The following MBD5 variants were observed in gnomAD, a reference collection of about 807,000 sequenced individuals.
MBD5 encodes methyl-CpG binding domain protein 5, also known as methyl-CpG-binding domain protein 5.
MBD5 carries 13 observed loss-of-function variants against 117.3 expected under a neutral mutation model. The ratio of observed to expected loss-of-function variants is 0.11; its 90% CI spans 0.07 to 0.18. The LOEUF (loss-of-function observed/expected upper bound fraction) is 0.18. Among genes scored for constraint, MBD5 ranks in the 10% least tolerant of loss-of-function variants. The probability of loss-of-function intolerance (pLI) is 1.00; values close to 1 mark genes in which losing one functional copy is unlikely to be tolerated. For synonymous variants in MBD5, 727 were observed against 766.4 expected (o/e 0.95, Z 0.85); for missense variants, 1,879 against 2,093.8 (o/e 0.90, Z 2.00).
In MBD5 at chr2:148,470,516, A is replaced by C. The variant is rs554795721; in HGVS notation, c.2518+55A>C. ...AGGTACTAAACTTTTCTACTTTTTT[A>C]AAAAATTTGTACCAAAATATTTATT... is the stretch of plus-strand genomic sequence containing the variant. On this transcript the variant is annotated intron_variant, in intron 8 of 13. Transcript: ENST00000642680. The C allele has an allele frequency of 2.9e-6, 4 of 1,379,624 alleles. No individual in the cohort carries two copies. In the African/African-American group the frequency reaches 5.9e-5, roughly 20 times the overall value. The allele number at this position is 1,379,624 out of a possible 1,614,324, so 85.5% of individuals were successfully genotyped here. A position where few individuals can be genotyped will look rare whatever the true frequency, so the allele number is the denominator to read the frequency against.
At chr2:148,258,884 T>G (rs1408023563) in intron 3 of MBD5, among the ~76,000 whole-genome samples, 2 of 152,156 alleles carry the variant, frequency 1.3e-5, no homozygotes, top group Non-Finnish European at 2.9e-5. Flanking sequence ...GTCCTGCCAG[T>G]GGCCTTCTGC....
At chr2:148,341,734 C>T (rs751623195) in intron 3 of MBD5, among the ~76,000 whole-genome samples, 2 of 151,840 alleles carry the variant, frequency 1.3e-5, no homozygotes, top group Non-Finnish European at 2.9e-5. Flanking sequence ...GCCTCAATTA[C>T]CACATTTTAA....
chr2:148,206,860 T>G (rs985107057), intron 2 of MBD5, among the ~76,000 whole-genome samples: 4 of 152,168 alleles, frequency 2.6e-5, no homozygotes, highest in Admixed American at 2.0e-4. Context: ...GTTATGAATA[T>G]CTACAGGTTA....
At chr2:148,258,896 TC>T (rs1700663818) in intron 3 of MBD5, among the ~76,000 whole-genome samples, 1 of 152,068 alleles carries the variant, frequency 6.6e-6, no homozygotes, top group Non-Finnish European at 1.5e-5. Flanking sequence ...GCCTTCTGCT[TC>T]CCTGAGAGCC....
intron 4 of MBD5, among the ~76,000 whole-genome samples, chr2:148,451,588 G>A (rs1193884807): frequency 2.6e-5 from 4 of 152,008 alleles, no homozygotes; most frequent in African/African-American, 9.7e-5. Flanking sequence ...TTATGAATAT[G>A]TTCATTTATT....
intron 12 of MBD5, among the ~76,000 whole-genome samples, chr2:148,503,744 C>T (rs189279612): frequency 6.8e-4 from 104 of 152,262 alleles, no homozygotes; most frequent in Non-Finnish European, 1.3e-3. Flanking sequence ...GGATCAAGGT[C>T]CCTTCTACTC....
chr2:148,064,770 C>T (rs182743228), intron 1 of MBD5, among the ~76,000 whole-genome samples: 11 of 152,246 alleles, frequency 7.2e-5, no homozygotes, highest in Non-Finnish European at 2.9e-5. Flanking sequence ...TTTTCTTCCC[C>T]TTCATTGTTT....
intron 4 of MBD5, among the ~76,000 whole-genome samples, chr2:148,457,758 A>T (rs1049963564): frequency 1.3e-5 from 2 of 152,122 alleles, no homozygotes; most frequent in Non-Finnish European, 2.9e-5. Flanking sequence ...TCTTCTCTAG[A>T]CCAAAACTGT....
Position 148,483,949 on chromosome 2 carries a change from A to G in MBD5, c.3358A>G (p.Thr1120Ala), listed in dbSNP as rs1681251385. The stretch of plus-strand genomic sequence containing the variant: ...CTCCTCCCAGGCAACCACTACCACA[A>G]CCACTACATCATCAGCAGTGGCAGC... ...ATSSQATTTT[T>A]TTSSAVAALT... The change falls in exon 9 of 14, where the codon ACC (threonine) becomes GCC (alanine). Residue 1120 changes from threonine to alanine, a missense_variant. Around this residue, in one of 4 missense-constraint regions of MBD5, gnomAD observed 1,666 missense variants for 1,792.2 expected, o/e 0.93. Coordinates refer to ENST00000642680, the MANE Select transcript of MBD5 (RefSeq NM_001378120.1). The G allele has an allele frequency of 1.5e-5, 24 of 1,550,298 alleles. No homozygotes were observed. The East Asian group carries it at 5.9e-4, about 38-fold the overall frequency.
chr2:148,272,361 GTT>G, intron 3 of MBD5, among the ~76,000 whole-genome samples: 1 of 152,120 alleles, frequency 6.6e-6, no homozygotes. Flanking sequence ...CTTCCATACT[GTT>G]TTCCATAATG....
chr2:148,202,792 C>G (rs1699175377), intron 2 of MBD5, among the ~76,000 whole-genome samples: 1 of 152,036 alleles, frequency 6.6e-6, no homozygotes. Flanking sequence ...CTTTGGTAGG[C>G]TGAGGTGGGA....
chr2:148,445,391 G>GT (rs1399859080), intron 4 of MBD5, among the ~76,000 whole-genome samples: 2 of 150,840 alleles, frequency 1.3e-5, no homozygotes, highest in East Asian at 1.9e-4. Context: ...GCGGTGTTTG[G>GT]TTTTTTGTCC....
intron 3 of MBD5, among the ~76,000 whole-genome samples, chr2:148,243,368 T>C (rs1700262703): frequency 6.6e-6 from 1 of 152,124 alleles, no homozygotes. Context: ...TTTTTATCTC[T>C]ATGCAATCAC....
intron 12 of MBD5, among the ~76,000 whole-genome samples, chr2:148,508,861 C>G (rs1194624919): frequency 2.6e-5 from 4 of 152,130 alleles, no homozygotes; most frequent in African/African-American, 9.7e-5. Flanking sequence ...GTATGTCTAG[C>G]ACTATAGAAC....
chr2:148,380,785 G>C (rs558277876), intron 4 of MBD5, among the ~76,000 whole-genome samples: 2 of 152,262 alleles, frequency 1.3e-5, no homozygotes, highest in East Asian at 3.9e-4. Context: ...CCAGAGGAAC[G>C]ATCAGGCGGC....
At chr2:148,183,772 G>A (rs1698584592) in intron 2 of MBD5, among the ~76,000 whole-genome samples, 1 of 151,874 alleles carries the variant, frequency 6.6e-6, no homozygotes, top group African/African-American at 2.4e-5. Context: ...TTCTATTTAA[G>A]GATTTTATCA....
chr2:148,396,441 A>T (rs1231572416), intron 4 of MBD5, among the ~76,000 whole-genome samples: 1 of 152,168 alleles, frequency 6.6e-6, no homozygotes, highest in African/African-American at 2.4e-5. Context: ...CCATGAATCT[A>T]CACTTTCACA....
chr2:148,357,780 C>T (rs1377167870), intron 4 of MBD5, among the ~76,000 whole-genome samples: 1 of 151,990 alleles, frequency 6.6e-6, no homozygotes, highest in Non-Finnish European at 1.5e-5. Flanking sequence ...AACAAAAATT[C>T]ATGGGAGGGT....
rs369278184 is a variant in MBD5 at position 148,044,412 on chromosome 2, C to T, written c.-925+22728C>T. ...TGACACTGAGAACCAGGTTACAAGTCTAGTATTCCTGTGACTTTTTTAAAC... is the reference window on the plus strand; with the variant it reads ...TGACACTGAGAACCAGGTTACAAGTTTAGTATTCCTGTGACTTTTTTAAAC... On this transcript the variant is annotated intron_variant, in intron 1 of 13. Transcript: ENST00000642680. 4.6e-5 allele frequency: 7 copies of T among 152,138 alleles called. No homozygotes were observed. The East Asian group carries it at 5.8e-4, about 13-fold the overall frequency. The allele number at this position is 152,138 out of a possible 1,614,324, so 9.4% of individuals were successfully genotyped here. A position where few individuals can be genotyped will look rare whatever the true frequency, so the allele number is the denominator to read the frequency against.
Sources: gnomAD v4.1 joint callset for allele counts (sites outside exome capture counted in the v4.1 genomes callset) on GRCh38, gnomAD v4.1.1 for gene constraint, gnomAD v4.1.1 regional missense constraint, MANE v1.5 for transcripts, NCBI Gene and HGNC (gene_info 2026-07-23, HGNC 2026-07-21) for gene names.